Variants in CGNL1 observed in about 807,000 individuals in gnomAD.
CGNL1 encodes cingulin-like protein 1.
In CGNL1, 132 loss-of-function variants were observed where a neutral mutation model predicts 141.2. The ratio of observed to expected loss-of-function variants is 0.93; its 90% confidence interval spans 0.81 to 1.08. The LOEUF (loss-of-function observed/expected upper bound fraction) is 1.08. Among genes scored for constraint, CGNL1 ranks in the 50% least tolerant of loss-of-function variants. CGNL1 has a pLI of 0.00. For synonymous variants in CGNL1, 690 were observed against 622.1 expected, an observed-to-expected ratio of 1.11 and a Z score of -1.63; for missense variants, 1,870 against 1,588.6, an observed-to-expected ratio of 1.18 and a Z score of -3.01.
Position 57,396,084 on chromosome 15 carries a change from C to T in CGNL1, c.-16+19517C>T, listed in dbSNP as rs567483771. 2.0e-5 allele frequency among the ~76,000 whole-genome samples: 3 copies of T among 152,180 alleles called. No individual in the cohort carries two copies. The South Asian group carries it at 6.2e-4, about 32-fold the overall frequency. On this transcript the variant is annotated intron_variant, in intron 1 of 18. Coordinates refer to ENST00000281282, the MANE Select transcript of CGNL1 (RefSeq NM_032866.5). ...TAGTATTATGTTTGTGAAATTCATC[C>T]ATTGATGTGAAATACATGGATTTGC... is the stretch of plus-strand genomic sequence containing the variant.
intron 4 of CGNL1, among the ~76,000 whole-genome samples, chr15:57,443,087 C>T (rs879877009): frequency 1.3e-5 from 2 of 152,296 alleles, no homozygotes; most frequent in South Asian, 2.1e-4. Context: ...GGCTTGGACC[C>T]AAGCTCTGGA....
chr15:57,453,921 C>T (rs2063350219), intron 7 of CGNL1, 103 bp downstream of exon 7: 7 of 1,268,442 alleles, frequency 5.5e-6, no homozygotes, highest in South Asian at 5.5e-5. Context: ...GATGTGCACA[C>T]CTGCTCCACC....
chr15:57,410,956 A>G (rs2062780006), intron 1 of CGNL1, among the ~76,000 whole-genome samples: 1 of 152,252 alleles, frequency 6.6e-6, no homozygotes. Context: ...TTTTCATACA[A>G]GAATCTAAAG....
chr15:57,442,471 A>G lies in CGNL1; in HGVS notation c.1796A>G (p.Asn599Ser), dbSNP rs1165554025. ...CGAGCAGCTGGGAGCGCCCAAGGAA[A>G]TAACCAAGTAAATGGAAGTTTTGTA... ...KSRAAGSAQG[N>S]NQACNSTSEV... Residue 599 changes from asparagine (N) to serine (S), a missense_variant, in exon 4 of 19, where the codon AAT becomes AGT. Physicochemically the swap from Asn to Ser is conservative, Grantham distance 46 (BLOSUM62 1). Transcript: ENST00000281282. The G allele has an allele frequency of 1.2e-6, 2 of 1,601,126 alleles. No individual in the cohort carries two copies.
chr15:57,479,148 C>G (rs2063692919), intron 8 of CGNL1, among the ~76,000 whole-genome samples: 1 of 152,180 alleles, frequency 6.6e-6, no homozygotes, highest in South Asian at 2.1e-4. Flanking sequence ...ATTGCCTTTT[C>G]CAGTACATTG....
chr15:57,528,248 C>T (rs1367230935), intron 12 of CGNL1, among the ~76,000 whole-genome samples: 1 of 151,146 alleles, frequency 6.6e-6, no homozygotes, highest in African/African-American at 2.5e-5. Context: ...CAAAGCAAGA[C>T]TCCATCTCAA....
intron 8 of CGNL1, among the ~76,000 whole-genome samples, chr15:57,489,633 A>G (rs1393038225): frequency 3.3e-5 from 5 of 152,200 alleles, no homozygotes; most frequent in African/African-American, 1.2e-4. Context: ...GCATGTAGAT[A>G]TTAGTTGTCC....
At chr15:57,394,428 T>C (rs2062580342) in intron 1 of CGNL1, among the ~76,000 whole-genome samples, 1 of 152,250 alleles carries the variant, frequency 6.6e-6, no homozygotes, top group African/African-American at 2.4e-5. Flanking sequence ...CCCGGCTTAT[T>C]TGGTTTTTAT....
intron 1 of CGNL1, among the ~76,000 whole-genome samples, chr15:57,424,478 G>C (rs925434193): frequency 2.6e-5 from 4 of 152,220 alleles, no homozygotes; most frequent in Non-Finnish European, 1.5e-5. Context: ...TGCTGTAGAA[G>C]AGTGACTAGC....
At chr15:57,439,733 G>A (rs572574604) in intron 2 of CGNL1, 132 bp downstream of exon 2, 1 of 936,478 alleles carries the variant, frequency 1.1e-6, no homozygotes, top group Non-Finnish European at 1.6e-6. Flanking sequence ...CAGCTGATCT[G>A]TTTCAGGATC....
chr15:57,516,510 C>G (rs113661959), intron 8 of CGNL1, among the ~76,000 whole-genome samples: 2 of 152,170 alleles, frequency 1.3e-5, no homozygotes, highest in African/African-American at 2.4e-5. Flanking sequence ...GTTTCTGTTG[C>G]AACCACTCGG....
chr15:57,452,315 G>A lies in CGNL1; in HGVS notation c.2054+26G>A, dbSNP rs199614899. 9 of 1,604,088 alleles carry A rather than the reference G, an allele frequency of 5.6e-6. No individual in the cohort carries two copies. In the East Asian group the frequency reaches 2.0e-4, roughly 36 times the overall value. On this transcript the variant is annotated intron_variant, in intron 6 of 18. Transcript: ENST00000281282. ...GTAAGTTCTGGGCTGAGAGCCTGTT[G>A]CCCTTCCCAGGTTCTCTATGACATG... is the stretch of plus-strand genomic sequence containing the variant.
intron 8 of CGNL1, among the ~76,000 whole-genome samples, chr15:57,465,321 A>C (rs2152337602): frequency 6.6e-6 from 1 of 151,344 alleles, no homozygotes; most frequent in South Asian, 2.1e-4. Context: ...GTGCTCTTAC[A>C]CTTAGATTTT....
At chr15:57,519,748 G>C (rs753709754) in intron 10 of CGNL1, among the ~76,000 whole-genome samples, 2 of 152,136 alleles carry the variant, frequency 1.3e-5, no homozygotes, top group Non-Finnish European at 2.9e-5. Flanking sequence ...GTTTAAATTT[G>C]TGAGCTGGTT....
chr15:57,445,507 A>G (rs1003866068), intron 4 of CGNL1, among the ~76,000 whole-genome samples: 1 of 152,246 alleles, frequency 6.6e-6, no homozygotes, highest in African/African-American at 2.4e-5. Flanking sequence ...GACGGAGACC[A>G]TACTGGAAAA....
intron 1 of CGNL1, among the ~76,000 whole-genome samples, chr15:57,427,193 GAAC>G (rs2062985432): frequency 6.6e-6 from 1 of 152,210 alleles, no homozygotes; most frequent in African/African-American, 2.4e-5. Flanking sequence ...CAGCTGTCTT[GAAC>G]AACAACAGAG....
intron 1 of CGNL1, among the ~76,000 whole-genome samples, chr15:57,405,738 C>CT (rs1233192773): frequency 1.0e-3 from 1 of 982 alleles, no homozygotes; most frequent in African/African-American, 1.2e-3. Flanking sequence ...TGGACCTTTT[C>CT]TTTCTTTTCC....
chr15:57,526,747 G>A (rs549271579), intron 12 of CGNL1, among the ~76,000 whole-genome samples: 7 of 152,286 alleles, frequency 4.6e-5, no homozygotes, highest in African/African-American at 1.7e-4. Flanking sequence ...CAGACACCAT[G>A]CTAGTTAATC....
At chr15:57,505,847 T>C (rs1307457769) in intron 8 of CGNL1, among the ~76,000 whole-genome samples, 1 of 152,216 alleles carries the variant, frequency 6.6e-6, no homozygotes, top group Non-Finnish European at 1.5e-5. Flanking sequence ...GGCCTCAGCA[T>C]TTGTATTTAA....
Sources: allele counts gnomAD v4.1 joint callset (sites outside exome capture counted in the v4.1 genomes callset), GRCh38; gene constraint gnomAD v4.1.1; transcripts MANE v1.5; gene names NCBI Gene and HGNC (gene_info 2026-07-23, HGNC 2026-07-21).